KCND3: variants seen among roughly 807,000 people sequenced by gnomAD.
The protein encoded by KCND3 is A-type voltage-gated potassium channel KCND3.
Under a neutral mutation model 51.1 loss-of-function variants are expected in KCND3, and 9 were observed. That is an observed-to-expected ratio of 0.18 (90% confidence interval 0.11 to 0.31). KCND3 has a LOEUF of 0.31. Ranked by LOEUF, KCND3 falls within the 10% of genes least tolerant of loss-of-function variation. The pLI is 1.00. For synonymous variants in KCND3, 349 were observed against 368.0 expected (o/e 0.95, Z 0.59); for missense variants, 526 against 903.8 (o/e 0.58, Z 5.36).
In KCND3 at chr1:111,778,125, C is replaced by T. The variant is rs373026349; in HGVS notation, c.1518+311G>A. ...TGGCGGCAAATACCAGGAGTCCCCA[C>T]GGAGCTGGGATGTGGCACAGACAGA... is the stretch of plus-strand genomic sequence containing the variant. On this transcript the variant is annotated intron_variant, in intron 6 of 7. Coordinates refer to ENST00000302127, the MANE Select transcript of KCND3 (RefSeq NM_001378969.1). 3.9e-5 allele frequency among the ~76,000 whole-genome samples: 6 copies of T among 152,326 alleles called. No individual in the cohort carries two copies. In the South Asian group the frequency reaches 8.3e-4, roughly 21 times the overall value.
At position 111,776,187 on chromosome 1, in the gene KCND3, G is replaced by A; in HGVS notation, c.1858C>T (p.Pro620Ser). The change falls in exon 8 of 8, where the codon CCC becomes TCC. Residue 620 changes from proline to serine, a missense_variant. Physicochemically the swap from Pro to Ser is moderately conservative, Grantham distance 74. This residue lies in a region of KCND3 where 266 missense variants were observed against 305.5 expected (regional missense o/e 0.87). Coordinates refer to ENST00000302127, the MANE Select transcript of KCND3 (RefSeq NM_001378969.1). ...TCCCCCTCTGGGGTTAGCGCTGGGG[G>A]AGTGGGGATGCTGATGATGGCTGTG... ...ITTAIISIPT[P>S]PALTPEGESR... The A allele has an allele frequency of 2.5e-6, 4 of 1,614,240 alleles. No homozygotes were observed. Among genetic ancestry groups the A allele is most frequent in the African/African-American group, 1.3e-5 (1 of 75,066 alleles).
In KCND3 at chr1:111,771,800, C is replaced by G. The variant is rs1268311489; in HGVS notation, c.*4277G>C. 1 of 152,152 alleles carries G rather than the reference C, an allele frequency of 6.6e-6. No homozygotes were observed. Among genetic ancestry groups the G allele is most frequent in the Non-Finnish European group, 1.5e-5 (1 of 68,032 alleles). 9.4% of individuals were successfully genotyped at this position (152,152 alleles called of 1,614,324 possible). A position where few individuals can be genotyped will look rare whatever the true frequency, so the allele number is the denominator to read the frequency against. On this transcript the variant is annotated 3_prime_UTR_variant, in exon 8 of 8. Transcript: ENST00000302127. ...TGTGATTGTAAACTAATGTGTTCAACTGTCACTGAGAATATCTATTGGTCT... is the reference window on the plus strand; with the variant it reads ...TGTGATTGTAAACTAATGTGTTCAAGTGTCACTGAGAATATCTATTGGTCT...
intron 2 of KCND3, among the ~76,000 whole-genome samples, chr1:111,972,970 C>T (rs1334411383): frequency 1.3e-5 from 2 of 152,184 alleles, no homozygotes. Flanking sequence ...TAATGATACT[C>T]CTCAGCAGCT....
intron 2 of KCND3, among the ~76,000 whole-genome samples, chr1:111,975,474 C>T (rs115106543): frequency 0.026 from 3,987 of 152,226 alleles, 78 homozygotes; most frequent in Middle Eastern, 0.048. Flanking sequence ...TTCAAATACA[C>T]GCAGAATTGC....
At position 111,773,254 on chromosome 1, in the gene KCND3, T is replaced by C. The variant is rs1366967835; in HGVS notation, c.*2823A>G. On this transcript the variant is annotated 3_prime_UTR_variant, in exon 8 of 8. Transcript: ENST00000302127. ...TGCTTGGGACATGATATTTAACATT[T>C]ATTAATTTTTGTGGGAACCAGTAAA... 3 of 152,150 alleles carry C rather than the reference T, an allele frequency of 2.0e-5. No individual in the cohort carries two copies. Among genetic ancestry groups the C allele is most frequent in the Admixed American group, 2.0e-4 (3 of 15,280 alleles). The allele number at this position is 152,150 out of a possible 1,614,324, so 9.4% of individuals were successfully genotyped here.
intron 2 of KCND3, among the ~76,000 whole-genome samples, chr1:111,850,284 G>A (rs1415763789): frequency 6.6e-6 from 1 of 152,154 alleles, no homozygotes; most frequent in Non-Finnish European, 1.5e-5. Context: ...CAAATTGCCT[G>A]AGTGCTAAGA....
intron 2 of KCND3, among the ~76,000 whole-genome samples, chr1:111,816,372 T>C (rs1666089296): frequency 6.6e-6 from 1 of 152,220 alleles, no homozygotes; most frequent in Non-Finnish European, 1.5e-5. Flanking sequence ...TGACTCAGAC[T>C]CCCTTGTTTC....
chr1:111,961,294 G>A (rs547265659), intron 2 of KCND3, among the ~76,000 whole-genome samples: 23 of 152,350 alleles, frequency 1.5e-4, no homozygotes, highest in Admixed American at 1.2e-3. Context: ...CATCAGACCC[G>A]GCTGGCACAA....
At chr1:111,797,468 GTGTT>G (rs1324855636) in intron 2 of KCND3, among the ~76,000 whole-genome samples, 2 of 152,172 alleles carry the variant, frequency 1.3e-5, no homozygotes, top group African/African-American at 4.8e-5. Flanking sequence ...CATCTGCTGG[GTGTT>G]TGTTAGGACT....
In KCND3 at chr1:111,862,516, T is replaced by A. The variant is rs868514903; in HGVS notation, c.1107-75410A>T. Reference sequence around the variant, plus strand: ...TATGGTGAGTCTGTAAATTATATCGTCAAGTCTAAGAAAGCAAGGGATCTG... The same window carrying A: ...TATGGTGAGTCTGTAAATTATATCGACAAGTCTAAGAAAGCAAGGGATCTG... On this transcript the variant is annotated intron_variant, in intron 2 of 7. Transcript: ENST00000302127. 4.6e-5 allele frequency among the ~76,000 whole-genome samples: 7 copies of A among 152,228 alleles called. 1 individual carries two copies. The South Asian group carries it at 8.3e-4, about 18-fold the overall frequency.
At chr1:111,827,742 C>A (rs930963466) in intron 2 of KCND3, among the ~76,000 whole-genome samples, 1 of 152,198 alleles carries the variant, frequency 6.6e-6, no homozygotes, top group African/African-American at 2.4e-5. Flanking sequence ...TGTATATTAT[C>A]TTCACTTTGC....
intron 2 of KCND3, among the ~76,000 whole-genome samples, chr1:111,898,343 T>G (rs1670217692): frequency 6.6e-6 from 1 of 152,180 alleles, no homozygotes; most frequent in Non-Finnish European, 1.5e-5. Flanking sequence ...CAGGGTTACC[T>G]CCTCCATCTG....
intron 5 of KCND3, among the ~76,000 whole-genome samples, chr1:111,779,042 A>G (rs980507145): frequency 2.6e-5 from 4 of 152,218 alleles, no homozygotes; most frequent in African/African-American, 9.7e-5. Context: ...TTTGAGAGAA[A>G]GTCTATACAT....
chr1:111,930,572 G>A (rs1407019273), intron 2 of KCND3, among the ~76,000 whole-genome samples: 1 of 150,392 alleles, frequency 6.6e-6, no homozygotes, highest in Admixed American at 6.7e-5. Context: ...GCACTTGCCT[G>A]CCTCTGGTCC....
chr1:111,857,405 T>C (rs556076696), intron 2 of KCND3, among the ~76,000 whole-genome samples: 1 of 152,254 alleles, frequency 6.6e-6, no homozygotes, highest in African/African-American at 2.4e-5. Context: ...AGTGTTCCTG[T>C]GGGCTGATGG....
At chr1:111,817,436 T>C (rs1309857773) in intron 2 of KCND3, among the ~76,000 whole-genome samples, 1 of 152,182 alleles carries the variant, frequency 6.6e-6, no homozygotes, top group Admixed American at 6.5e-5. Context: ...CAGTAGTAAA[T>C]GCATAACAAT....
intron 2 of KCND3, among the ~76,000 whole-genome samples, chr1:111,871,719 G>A (rs1411694018): frequency 1.3e-5 from 2 of 152,170 alleles, no homozygotes; most frequent in Non-Finnish European, 2.9e-5. Context: ...GTTTCCAAAG[G>A]AGAGTGTTGA....
chr1:111,983,927 G>A (rs1675116402), intron 1 of KCND3, among the ~76,000 whole-genome samples: 1 of 152,228 alleles, frequency 6.6e-6, no homozygotes, highest in Non-Finnish European at 1.5e-5. Flanking sequence ...GCTTTTTAAA[G>A]ATGATAGTGA....
At chr1:111,806,216 C>A (rs1665564037) in intron 2 of KCND3, among the ~76,000 whole-genome samples, 1 of 152,216 alleles carries the variant, frequency 6.6e-6, no homozygotes, top group South Asian at 2.1e-4. Context: ...CAACAGAGGC[C>A]TTCTACACTA....
Sources: gnomAD v4.1 joint callset for allele counts (sites outside exome capture counted in the v4.1 genomes callset) on GRCh38, gnomAD v4.1.1 for gene constraint, gnomAD v4.1.1 regional missense constraint, MANE v1.5 for transcripts, NCBI Gene and HGNC (gene_info 2026-07-23, HGNC 2026-07-21) for gene names.